Variants in NBEA observed in about 807,000 individuals in gnomAD.
NBEA encodes the protein lysosomal-trafficking regulator 2.
In NBEA, 44 loss-of-function variants were observed where a neutral mutation model predicts 343.4. The ratio of observed to expected loss-of-function variants is 0.13; its 90% CI spans 0.10 to 0.16. The LOEUF (loss-of-function observed/expected upper bound fraction) is 0.16, where lower values mean the gene tolerates loss of function less well. Ranked by LOEUF, NBEA falls within the 10% of genes least tolerant of loss-of-function variation. The pLI, the probability that NBEA is intolerant of heterozygous loss-of-function variation, is 1.00. For missense variants in NBEA, 2,555 were observed against 3,631.3 expected (o/e 0.70, Z 7.62); for synonymous variants, 1,175 against 1,238.7 (o/e 0.95, Z 1.08).
intron 42 of NBEA, 137 bp from the exon 43 acceptor site, chr13:35,550,793 T>C (rs945859708): frequency 9.1e-6 from 6 of 656,126 alleles, no homozygotes; most frequent in Admixed American, 6.1e-5. Context: ...GATAAAGTTA[T>C]ACTGAAAGCT....
In NBEA at chr13:34,942,538, A is replaced by G. The variant is rs1024983882; in HGVS notation, c.-283A>G. The stretch of plus-strand genomic sequence containing the variant: ...CAGAGGCAGCGGCGGCGGCAGCGGC[A>G]GCGGCAGCGGCACACCTGCTGGGCG... On this transcript the variant is annotated 5_prime_UTR_variant, in exon 1 of 59. Coordinates refer to ENST00000379939, the MANE Select transcript of NBEA (RefSeq NM_001385012.1). The G allele has an allele frequency of 4.7e-5, 8 of 171,438 alleles. No individual in the cohort carries two copies. The highest frequency in any genetic ancestry group is 3.1e-4 in the South Asian group (2 of 6,478). The allele number at this position is 171,438 out of a possible 1,614,324, so 10.6% of individuals were successfully genotyped here.
intron 36 of NBEA, among the ~76,000 whole-genome samples, chr13:35,321,177 T>G (rs982712853): frequency 6.6e-6 from 1 of 151,998 alleles, no homozygotes; most frequent in Non-Finnish European, 1.5e-5. Flanking sequence ...GGCATTCTGG[T>G]TTTTGGAATT....
intron 38 of NBEA, among the ~76,000 whole-genome samples, chr13:35,367,552 T>C (rs1391252912): frequency 8.1e-6 from 1 of 123,172 alleles, no homozygotes; most frequent in African/African-American, 4.2e-5. Context: ...GCTGTTGTTG[T>C]TGTTTTTTTT....
intron 1 of NBEA, among the ~76,000 whole-genome samples, chr13:34,980,815 C>A (rs1032342857): frequency 2.0e-5 from 3 of 151,970 alleles, no homozygotes; most frequent in Non-Finnish European, 4.4e-5. Context: ...AGAGTTTATA[C>A]CATCTGAATT....
chr13:34,965,822 A>G (rs967266373), intron 1 of NBEA, among the ~76,000 whole-genome samples: 16 of 152,058 alleles, frequency 1.1e-4, no homozygotes, highest in African/African-American at 3.4e-4. Flanking sequence ...ACACATAACT[A>G]AAAGTTCTGG....
At chr13:35,168,854 A>G (rs1482087050) in intron 24 of NBEA, 133 bp from the exon 25 acceptor site, 8 of 576,086 alleles carry the variant, frequency 1.4e-5, no homozygotes, top group Non-Finnish European at 1.8e-5. Flanking sequence ...TTTGCTTTTA[A>G]TAAAATAATC....
chr13:35,471,224 G>C (rs1299117726), intron 40 of NBEA, among the ~76,000 whole-genome samples: 1 of 152,166 alleles, frequency 6.6e-6, no homozygotes, highest in Non-Finnish European at 1.5e-5. Flanking sequence ...TCGCAGATTG[G>C]GTGTGTGCTG....
intron 46 of NBEA, among the ~76,000 whole-genome samples, chr13:35,587,531 C>A: frequency 6.6e-6 from 1 of 152,040 alleles, no homozygotes; most frequent in Admixed American, 6.6e-5. Flanking sequence ...GGTCAGGAGT[C>A]CTTCCTGAGA....
At chr13:35,480,114 A>G (rs2076063320) in intron 41 of NBEA, among the ~76,000 whole-genome samples, 1 of 150,680 alleles carries the variant, frequency 6.6e-6, no homozygotes, top group South Asian at 2.1e-4. Flanking sequence ...AAATGTTAGT[A>G]GTATTAGTGA....
At chr13:35,664,104 T>C (rs1436185749) in intron 55 of NBEA, among the ~76,000 whole-genome samples, 1 of 152,186 alleles carries the variant, frequency 6.6e-6, no homozygotes, top group Admixed American at 6.5e-5. Context: ...GTGGCTTCCC[T>C]CTTGCCACTG....
intron 38 of NBEA, among the ~76,000 whole-genome samples, chr13:35,431,497 A>G (rs1337392430): frequency 2.0e-5 from 3 of 152,176 alleles, no homozygotes; most frequent in Non-Finnish European, 4.4e-5. Context: ...ATCATTTCTG[A>G]AATATCTCTT....
chr13:35,148,635 G>C (rs2068583946), intron 18 of NBEA, among the ~76,000 whole-genome samples: 1 of 152,046 alleles, frequency 6.6e-6, no homozygotes, highest in African/African-American at 2.4e-5. Flanking sequence ...ATACACATAT[G>C]CACACAGAAC....
At chr13:35,205,766 T>G (rs2073352022) in intron 31 of NBEA, among the ~76,000 whole-genome samples, 1 of 152,118 alleles carries the variant, frequency 6.6e-6, no homozygotes. Context: ...ATTGGCTGCT[T>G]AGAATATTCC....
At chr13:35,252,187 A>G (rs1048848281) in intron 34 of NBEA, among the ~76,000 whole-genome samples, 1 of 152,040 alleles carries the variant, frequency 6.6e-6, no homozygotes, top group African/African-American at 2.4e-5. Flanking sequence ...GGTGGAAGGG[A>G]AAGCAAGGTA....
intron 38 of NBEA, among the ~76,000 whole-genome samples, chr13:35,379,411 C>A (rs2041900730): frequency 6.6e-6 from 1 of 151,988 alleles, no homozygotes; most frequent in Non-Finnish European, 1.5e-5. Context: ...TCTTTTTATT[C>A]TTACTGATTT....
chr13:35,350,049 G>A (rs146621208), intron 37 of NBEA, among the ~76,000 whole-genome samples: 2 of 152,174 alleles, frequency 1.3e-5, no homozygotes, highest in East Asian at 3.9e-4. Context: ...TTTAAACTTC[G>A]ATAAAAGTAT....
intron 36 of NBEA, among the ~76,000 whole-genome samples, chr13:35,325,634 A>C (rs2038500659): frequency 6.6e-6 from 1 of 152,070 alleles, no homozygotes; most frequent in Admixed American, 6.6e-5. Context: ...ATCTAGCAAT[A>C]TATGAAAAGG....
intron 22 of NBEA, among the ~76,000 whole-genome samples, chr13:35,161,068 G>A (rs1249333095): frequency 6.6e-6 from 1 of 151,974 alleles, no homozygotes; most frequent in Non-Finnish European, 1.5e-5. Context: ...TTCTCTAACT[G>A]CCAATTTCCA....
intron 41 of NBEA, among the ~76,000 whole-genome samples, chr13:35,485,105 A>G (rs779041684): frequency 6.6e-6 from 1 of 152,118 alleles, no homozygotes; most frequent in East Asian, 1.9e-4. Context: ...ATTTTTAAAT[A>G]CATATTACCA....
Sources: allele counts gnomAD v4.1 joint callset (sites outside exome capture counted in the v4.1 genomes callset), GRCh38; gene constraint gnomAD v4.1.1; transcripts MANE v1.5; gene names NCBI Gene and HGNC (gene_info 2026-07-23, HGNC 2026-07-21).